Variants in NAA35 observed in about 807,000 individuals in gnomAD.
The protein encoded by NAA35 is N-alpha-acetyltransferase 35, NatC auxiliary subunit, also known as MAK10 homolog, amino-acid N-acetyltransferase subunit.
A neutral mutation model predicts 101.7 loss-of-function variants in NAA35; 18 were observed. The ratio of observed to expected loss-of-function variants is 0.18; its 90% CI spans 0.12 to 0.26. The LOEUF (loss-of-function observed/expected upper bound fraction) is 0.26. Ranked by LOEUF, NAA35 falls within the 10% of genes least tolerant of loss-of-function variation. The probability of loss-of-function intolerance (pLI) is 1.00; values close to 1 mark genes in which losing one functional copy is unlikely to be tolerated. For synonymous variants in NAA35, 267 were observed against 273.1 expected, an observed-to-expected ratio of 0.98 and a Z score of 0.22; for missense variants, 601 against 886.8, an observed-to-expected ratio of 0.68 and a Z score of 4.09.
At chr9:85,943,504 C>G (rs900802758) in intron 2 of NAA35, among the ~76,000 whole-genome samples, 1 of 152,094 alleles carries the variant, frequency 6.6e-6, no homozygotes, top group African/African-American at 2.4e-5. Flanking sequence ...GAAAGGGAGC[C>G]AGCTGTGTAT....
At chr9:85,952,494 A>G (rs888448432) in intron 2 of NAA35, among the ~76,000 whole-genome samples, 1 of 152,138 alleles carries the variant, frequency 6.6e-6, no homozygotes, top group Admixed American at 6.5e-5. Context: ...CATGTTGGCC[A>G]GGCTGGTCTT....
chr9:85,991,376 G>A (rs1830905885), intron 11 of NAA35, among the ~76,000 whole-genome samples: 1 of 152,166 alleles, frequency 6.6e-6, no homozygotes, highest in Non-Finnish European at 1.5e-5. Context: ...GGGTGACCAA[G>A]TACAGGGTTT....
intron 6 of NAA35, among the ~76,000 whole-genome samples, chr9:85,968,018 T>TA (rs940261655): frequency 2.0e-5 from 3 of 152,142 alleles, no homozygotes; most frequent in East Asian, 1.9e-4. Flanking sequence ...CTGCCAGTGT[T>TA]ATCTTTGATT....
At chr9:86,015,264 ATTTG>A (rs1832151617) in intron 17 of NAA35, among the ~76,000 whole-genome samples, 1 of 152,198 alleles carries the variant, frequency 6.6e-6, no homozygotes, top group African/African-American at 2.4e-5. Flanking sequence ...ACATAAGTAG[ATTTG>A]TTTCTTTTCT....
Position 86,022,653 on chromosome 9 carries a change from T to C in NAA35, c.*693T>C, listed in dbSNP as rs1675111604. Among the ~76,000 whole-genome samples, 1 of 152,234 alleles carries C rather than the reference T, an allele frequency of 6.6e-6. No homozygotes were observed. The highest frequency in any genetic ancestry group is 2.4e-5 in the African/African-American group (1 of 41,458). Reference sequence around the variant, plus strand: ...ATAGAAATGTATATAGATTAAAATTTAGGACTAGGTTTAAATGTGGTGTAC... The same window carrying C: ...ATAGAAATGTATATAGATTAAAATTCAGGACTAGGTTTAAATGTGGTGTAC... On this transcript the variant is annotated 3_prime_UTR_variant, in exon 23 of 23. Coordinates refer to ENST00000361671, the MANE Select transcript of NAA35 (RefSeq NM_024635.4).
chr9:85,988,665 G>A (rs2118174437), intron 11 of NAA35, among the ~76,000 whole-genome samples: 1 of 152,220 alleles, frequency 6.6e-6, no homozygotes, highest in Non-Finnish European at 1.5e-5. Context: ...CTGTGGTGGT[G>A]CATGCCTGTA....
chr9:85,956,867 C>T (rs1393620131), intron 3 of NAA35, among the ~76,000 whole-genome samples: 4 of 152,116 alleles, frequency 2.6e-5, no homozygotes, highest in Non-Finnish European at 5.9e-5. Flanking sequence ...TGGGCAACTG[C>T]GTCTAGTGAG....
chr9:85,941,215 G>A lies in NAA35; in HGVS notation c.-64G>A. The A allele has an allele frequency of 1.0e-6, 1 of 986,820 alleles. No individual in the cohort carries two copies. The highest frequency in any genetic ancestry group is 1.2e-6 in the Non-Finnish European group (1 of 830,910). The allele number at this position is 986,820 out of a possible 1,614,324, so 61.1% of individuals were successfully genotyped here. ...AGGGGGCGGCGGCGGCCGAGGCGGC[G>A]TCGTTATTTCCGTGGTCCGGACAGT... On this transcript the variant is annotated 5_prime_UTR_variant, in exon 1 of 23. Coordinates refer to ENST00000361671, the MANE Select transcript of NAA35 (RefSeq NM_024635.4).
intron 11 of NAA35, among the ~76,000 whole-genome samples, chr9:85,984,786 A>T (rs989776553): frequency 6.6e-6 from 1 of 152,234 alleles, no homozygotes; most frequent in Admixed American, 6.5e-5. Context: ...AAGTCTTTTC[A>T]TCAAAGATGC....
intron 6 of NAA35, among the ~76,000 whole-genome samples, chr9:85,963,395 C>T (rs576878659): frequency 4.0e-5 from 6 of 151,508 alleles, no homozygotes; most frequent in East Asian, 3.9e-4. Context: ...CTCAGCCTCC[C>T]GGGTAGCTGG....
intron 13 of NAA35, among the ~76,000 whole-genome samples, chr9:86,003,886 T>C (rs1399293087): frequency 1.3e-5 from 2 of 152,168 alleles, no homozygotes; most frequent in African/African-American, 4.8e-5. Context: ...ATCTTTCTTA[T>C]CATTTTAGAA....
intron 6 of NAA35, among the ~76,000 whole-genome samples, chr9:85,963,435 TA>T (rs1239342693): frequency 6.6e-6 from 1 of 151,886 alleles, no homozygotes; most frequent in African/African-American, 2.4e-5. Flanking sequence ...CATGCCTGGC[TA>T]ATTTTGTATT....
chr9:85,962,514 G>GAA (rs1456144057), intron 6 of NAA35, among the ~76,000 whole-genome samples: 1 of 121,432 alleles, frequency 8.2e-6, no homozygotes, highest in Non-Finnish European at 1.8e-5. Flanking sequence ...AAAAAAGAAA[G>GAA]AAAAAAGAAT....
intron 21 of NAA35, among the ~76,000 whole-genome samples, chr9:86,020,497 T>C (rs1360597450): frequency 6.6e-6 from 1 of 152,174 alleles, no homozygotes; most frequent in East Asian, 1.9e-4. Context: ...ATTGCTTTTA[T>C]TTAATAAAAC....
At chr9:85,953,331 C>CT (rs555389661) in intron 2 of NAA35, among the ~76,000 whole-genome samples, 4 of 151,096 alleles carry the variant, frequency 2.6e-5, no homozygotes, top group East Asian at 3.9e-4. Context: ...ATCCAGGACT[C>CT]TTATCTTGTG....
At chr9:85,996,971 A>G (rs1266001207) in intron 12 of NAA35, among the ~76,000 whole-genome samples, 1 of 148,232 alleles carries the variant, frequency 6.7e-6, no homozygotes, top group Non-Finnish European at 1.5e-5. Flanking sequence ...TTTTGTGGAG[A>G]TGGGGGCCTT....
At chr9:85,950,132 G>C (rs1055955535) in intron 2 of NAA35, among the ~76,000 whole-genome samples, 1 of 152,190 alleles carries the variant, frequency 6.6e-6, no homozygotes, top group African/African-American at 2.4e-5. Context: ...GGCTATACAA[G>C]ATCATGATTC....
intron 15 of NAA35, among the ~76,000 whole-genome samples, chr9:86,011,653 C>T (rs1831924418): frequency 6.6e-6 from 1 of 151,164 alleles, no homozygotes; most frequent in South Asian, 2.1e-4. Flanking sequence ...AGCCACCGCA[C>T]CCGGCTTCAT....
rs1267408997 is a variant in NAA35, at chr9:86,023,771, A to G, written c.*1811A>G. ...TTTCCTATTAACCCATTATCAACTA[A>G]AAAAGATTGATTAGTGTTAGATTTA... On this transcript the variant is annotated 3_prime_UTR_variant, in exon 23 of 23. Transcript: ENST00000361671. Among the ~76,000 whole-genome samples the G allele has an allele frequency of 6.6e-6, 1 of 152,224 alleles. No individual in the cohort carries two copies. The highest frequency in any genetic ancestry group is 2.4e-5 in the African/African-American group (1 of 41,466).
Sources: gnomAD v4.1 joint callset for allele counts (sites outside exome capture counted in the v4.1 genomes callset) on GRCh38, gnomAD v4.1.1 for gene constraint, MANE v1.5 for transcripts, NCBI Gene and HGNC (gene_info 2026-07-23, HGNC 2026-07-21) for gene names.